PLPPR1: variants seen among roughly 807,000 people sequenced by gnomAD.
The protein encoded by PLPPR1 is phospholipid phosphatase-related protein type 1.
A neutral mutation model predicts 33.1 loss-of-function variants in PLPPR1; 10 were observed. The observed-to-expected ratio is 0.30, with a 90% confidence interval of 0.19 to 0.51. PLPPR1 has a LOEUF of 0.51. Ranked by LOEUF, PLPPR1 falls within the 20% of genes least tolerant of loss-of-function variation. The probability of loss-of-function intolerance (pLI) is 0.97; values close to 1 mark genes in which losing one functional copy is unlikely to be tolerated. For missense variants in PLPPR1, 304 were observed against 408.1 expected (o/e 0.74, Z 2.20); for synonymous variants, 151 against 151.0 (o/e 1.00, Z 0.00).
chr9:101,160,758 A>G (rs549852434), intron 1 of PLPPR1, among the ~76,000 whole-genome samples: 1 of 152,288 alleles, frequency 6.6e-6, no homozygotes, highest in Non-Finnish European at 1.5e-5. Context: ...GACTGGAAAG[A>G]ATTTCAAGTT....
intron 2 of PLPPR1, among the ~76,000 whole-genome samples, chr9:101,220,397 C>CCT (rs1464861401): frequency 6.6e-6 from 1 of 152,158 alleles, no homozygotes; most frequent in African/African-American, 2.4e-5. Flanking sequence ...TGAGGCCCTG[C>CCT]CAAGTGTTAC....
At chr9:101,214,980 G>A (rs1182052907) in intron 2 of PLPPR1, among the ~76,000 whole-genome samples, 4 of 148,896 alleles carry the variant, frequency 2.7e-5, no homozygotes, top group African/African-American at 7.5e-5. Flanking sequence ...CTGAGATCAC[G>A]CCACTGCACT....
Position 101,324,035 on chromosome 9 carries a change from C to A in PLPPR1, c.956C>A (p.Ala319Glu). The A allele has an allele frequency of 1.9e-6, 3 of 1,612,632 alleles. No homozygotes were observed. The highest frequency in any genetic ancestry group is 2.5e-6 in the Non-Finnish European group (3 of 1,178,858). Residue 319 changes from alanine to glutamate, a missense_variant, in exon 8 of 8, where the codon GCG becomes GAG. Coordinates refer to ENST00000374874, the MANE Select transcript of PLPPR1 (RefSeq NM_207299.2). ...GTGTTTGCTCCACAGAATCACTCTGCGTCCATGACCGAAGTTACCTGAGAC... is the reference window on the plus strand; with the variant it reads ...GTGTTTGCTCCACAGAATCACTCTGAGTCCATGACCGAAGTTACCTGAGAC... Reference protein sequence around the residue: ...LETLSAQNHSASMTEVT With the variant: ...LETLSAQNHSESMTEVT
intron 1 of PLPPR1, among the ~76,000 whole-genome samples, chr9:101,137,054 G>A (rs1831386143): frequency 6.6e-6 from 1 of 152,182 alleles, no homozygotes; most frequent in African/African-American, 2.4e-5. Context: ...TTACCAGGAT[G>A]TGGTTATTAC....
At position 101,324,577 on chromosome 9, in the gene PLPPR1, A is replaced by G. The variant is rs1829219623; in HGVS notation, c.*520A>G. 6.6e-6 allele frequency: 1 copy of G among 152,596 alleles called. No homozygotes were observed. The highest frequency in any genetic ancestry group is 1.5e-5 in the Non-Finnish European group (1 of 68,310). 9.5% of individuals were successfully genotyped at this position (152,596 alleles called of 1,614,324 possible). A position where few individuals can be genotyped will look rare whatever the true frequency, so the allele number is the denominator to read the frequency against. Reference sequence around the variant, plus strand: ...ATGTTGCACTCTGATCTCTTAACAAATTGTTACGTTCAAAGTTTAAAGTGA... The same window carrying G: ...ATGTTGCACTCTGATCTCTTAACAAGTTGTTACGTTCAAAGTTTAAAGTGA... On this transcript the variant is annotated 3_prime_UTR_variant, in exon 8 of 8. Coordinates refer to ENST00000374874, the MANE Select transcript of PLPPR1 (RefSeq NM_207299.2).
intron 1 of PLPPR1, among the ~76,000 whole-genome samples, chr9:101,141,690 G>T: frequency 6.6e-6 from 1 of 152,138 alleles, no homozygotes; most frequent in East Asian, 1.9e-4. Context: ...TAGATTGAAA[G>T]TTAATTATCT....
chr9:101,232,474 CCT>C (rs967152411), intron 2 of PLPPR1, among the ~76,000 whole-genome samples: 24 of 151,332 alleles, frequency 1.6e-4, no homozygotes, highest in Admixed American at 1.2e-3. Flanking sequence ...TCCTCTTCCT[CCT>C]CTTTTTTTTT....
intron 2 of PLPPR1, chr9:101,187,431 T>C (rs1826224196): frequency 6.6e-6 from 1 of 151,968 alleles, no homozygotes; most frequent in Admixed American, 6.6e-5. Flanking sequence ...CAAACATAAA[T>C]AGAAGTCTAA....
At chr9:101,259,488 C>G (rs1827858362) in intron 2 of PLPPR1, among the ~76,000 whole-genome samples, 1 of 152,156 alleles carries the variant, frequency 6.6e-6, no homozygotes, top group South Asian at 2.1e-4. Flanking sequence ...GTTTTGAAAA[C>G]TGGGAAGCCA....
chr9:101,129,677 A>G (rs1388824450), intron 1 of PLPPR1, among the ~76,000 whole-genome samples: 1 of 152,128 alleles, frequency 6.6e-6, no homozygotes, highest in Non-Finnish European at 1.5e-5. Context: ...TAAAAATACA[A>G]AAAAATAGCC....
At chr9:101,089,336 T>G (rs1193815875) in intron 1 of PLPPR1, among the ~76,000 whole-genome samples, 4 of 150,296 alleles carry the variant, frequency 2.7e-5, no homozygotes, top group Non-Finnish European at 5.9e-5. Context: ...TAGATAGTAG[T>G]TAATTGTTGT....
intron 1 of PLPPR1, among the ~76,000 whole-genome samples, chr9:101,153,873 G>A (rs965357716): frequency 4.6e-5 from 7 of 151,930 alleles, no homozygotes; most frequent in South Asian, 2.1e-4. Flanking sequence ...GTGAGCCACC[G>A]TGCCTGGCCC....
chr9:101,181,608 A>ATGTGTG (rs374750617), intron 1 of PLPPR1, among the ~76,000 whole-genome samples: 4,167 of 129,654 alleles, frequency 0.032, 213 homozygotes, highest in African/African-American at 0.1. Context: ...GGGTATATGT[A>ATGTGTG]TGTGTGTGTG....
intron 4 of PLPPR1, among the ~76,000 whole-genome samples, chr9:101,298,991 G>C (rs1051029164): frequency 6.6e-6 from 1 of 152,160 alleles, no homozygotes; most frequent in African/African-American, 2.4e-5. Context: ...AGGGAACCAG[G>C]CCAGCTCCAT....
intron 2 of PLPPR1, among the ~76,000 whole-genome samples, chr9:101,195,768 C>T (rs1237157441): frequency 6.6e-6 from 1 of 152,162 alleles, no homozygotes; most frequent in Non-Finnish European, 1.5e-5. Context: ...ATGCTGTATA[C>T]CATGTGGTAA....
At chr9:101,170,919 G>GC (rs1240600454) in intron 1 of PLPPR1, among the ~76,000 whole-genome samples, 5 of 152,052 alleles carry the variant, frequency 3.3e-5, no homozygotes, top group Non-Finnish European at 7.4e-5. Context: ...CAGCCTGGGT[G>GC]ACAGAACAAG....
chr9:101,125,333 A>AACTTACTTATCTCTACTT (rs1286834357), intron 1 of PLPPR1: 7 of 167,844 alleles, frequency 4.2e-5, no homozygotes, highest in Non-Finnish European at 6.3e-5. Context: ...TACTTTACTT[A>AACTTACTTATCTCTACTT]ACTTACTTAT....
chr9:101,290,819 T>G (rs530805580), intron 4 of PLPPR1, among the ~76,000 whole-genome samples: 3 of 152,356 alleles, frequency 2.0e-5, no homozygotes, highest in Admixed American at 6.5e-5. Context: ...GATGGCCGAA[T>G]AGGAACAGCT....
chr9:101,038,170 C>G (rs940177322), intron 1 of PLPPR1, among the ~76,000 whole-genome samples: 2 of 151,970 alleles, frequency 1.3e-5, no homozygotes, highest in Non-Finnish European at 2.9e-5. Context: ...TATTATTTTA[C>G]TATTTACTTT....
Sources: allele counts gnomAD v4.1 joint callset (sites outside exome capture counted in the v4.1 genomes callset), GRCh38; gene constraint gnomAD v4.1.1; transcripts MANE v1.5; gene names NCBI Gene and HGNC (gene_info 2026-07-23, HGNC 2026-07-21).